NSRP1: variants seen among roughly 807,000 people sequenced by gnomAD.
NSRP1 encodes the protein coiled-coil domain containing 55.
In NSRP1, 24 loss-of-function variants were observed where a neutral mutation model predicts 54.7. The observed-to-expected ratio is 0.44, with a 90% CI of 0.32 to 0.62. The LOEUF (loss-of-function observed/expected upper bound fraction) is 0.62. Among genes scored for constraint, NSRP1 ranks in the 20% least tolerant of loss-of-function variants. NSRP1 has a pLI of 0.06. For synonymous variants in NSRP1, 210 were observed against 213.8 expected, an observed-to-expected ratio of 0.98 and a Z score of 0.15; for missense variants, 596 against 651.2, an observed-to-expected ratio of 0.92 and a Z score of 0.92.
intron 2 of NSRP1, among the ~76,000 whole-genome samples, chr17:30,119,880 A>G (rs2071581657): frequency 6.6e-6 from 1 of 152,190 alleles, no homozygotes; most frequent in African/African-American, 2.4e-5. Context: ...TTTTGAAGAC[A>G]TTGGCTCTTT....
At chr17:30,133,090 C>T (rs948716032) in intron 2 of NSRP1, among the ~76,000 whole-genome samples, 15 of 150,906 alleles carry the variant, frequency 9.9e-5, no homozygotes, top group Admixed American at 6.6e-4. Context: ...GCCACAGGCA[C>T]TCACCACCAC....
chr17:30,117,017 C>T, intron 1 of NSRP1, 154 bp downstream of exon 1: 1 of 968,104 alleles, frequency 1.0e-6, no homozygotes, highest in South Asian at 1.4e-5. Flanking sequence ...AACATAGATT[C>T]CCCTCCCCCG....
chr17:30,117,466 A>G, intron 1 of NSRP1: 1 of 422,328 alleles, frequency 2.4e-6, no homozygotes, highest in Non-Finnish European at 4.2e-6. Context: ...TTAAAGGCCA[A>G]AACGTGAGAA....
chr17:30,165,454 G>C (rs1054657001), intron 2 of NSRP1, among the ~76,000 whole-genome samples: 3 of 152,192 alleles, frequency 2.0e-5, no homozygotes, highest in African/African-American at 7.2e-5. Flanking sequence ...GTACTTAACT[G>C]TACATTTCTT....
chr17:30,175,907 G>A (rs188058522), intron 3 of NSRP1, among the ~76,000 whole-genome samples: 1 of 152,020 alleles, frequency 6.6e-6, no homozygotes. Flanking sequence ...GGAGGCTGAG[G>A]CAGGAGAGTC....
intron 2 of NSRP1, among the ~76,000 whole-genome samples, chr17:30,158,201 G>C (rs150630067): frequency 2.6e-5 from 4 of 151,982 alleles, no homozygotes; most frequent in African/African-American, 9.6e-5. Context: ...GTTTGGATTT[G>C]CATTTCACTG....
At chr17:30,178,045 T>G (rs760321223) in intron 3 of NSRP1, 26 bp from the exon 4 acceptor site, 4 of 1,610,374 alleles carry the variant, frequency 2.5e-6, no homozygotes, top group Non-Finnish European at 3.4e-6. Context: ...CTCATATTTT[T>G]GAAACATGTT....
chr17:30,132,587 TAGA>T (rs1404737004), intron 2 of NSRP1, among the ~76,000 whole-genome samples: 2 of 152,202 alleles, frequency 1.3e-5, no homozygotes. Context: ...GCTCATCCAG[TAGA>T]AGAAATTTGT....
At chr17:30,166,126 G>A (rs976067014) in intron 2 of NSRP1, among the ~76,000 whole-genome samples, 3 of 152,080 alleles carry the variant, frequency 2.0e-5, no homozygotes, top group Non-Finnish European at 4.4e-5. Context: ...TTGTGAGGTA[G>A]GTACTAATAT....
chr17:30,180,735 T>C (rs570486372), intron 5 of NSRP1, among the ~76,000 whole-genome samples, 173 bp from the exon 6 acceptor site: 1 of 152,364 alleles, frequency 6.6e-6, no homozygotes, highest in East Asian at 1.9e-4. Context: ...GGGCTTTGTT[T>C]CAATAAAAAT....
At chr17:30,158,146 T>C (rs1353467236) in intron 2 of NSRP1, among the ~76,000 whole-genome samples, 2 of 152,196 alleles carry the variant, frequency 1.3e-5, no homozygotes, top group African/African-American at 4.8e-5. Context: ...ATTTCCTGTC[T>C]TTTTAATAAT....
At chr17:30,155,432 A>G (rs1348309128) in intron 2 of NSRP1, among the ~76,000 whole-genome samples, 3 of 152,124 alleles carry the variant, frequency 2.0e-5, no homozygotes, top group African/African-American at 7.2e-5. Flanking sequence ...ATTTTTCTCC[A>G]ATTCTAGAAA....
intron 2 of NSRP1, among the ~76,000 whole-genome samples, chr17:30,127,135 A>C (rs1197175201): frequency 6.6e-6 from 1 of 152,216 alleles, no homozygotes; most frequent in African/African-American, 2.4e-5. Context: ...CTTGCTGACC[A>C]CTGGTCTGTA....
chr17:30,173,109 G>A (rs1028600488), intron 3 of NSRP1, among the ~76,000 whole-genome samples: 7 of 151,906 alleles, frequency 4.6e-5, no homozygotes, highest in South Asian at 2.1e-4. Flanking sequence ...GACTAAAGGC[G>A]CATGCCACCA....
chr17:30,171,934 TCA>T (rs746244255), intron 2 of NSRP1, among the ~76,000 whole-genome samples: 44,233 of 113,146 alleles, frequency 0.39, 8,558 homozygotes, highest in East Asian at 0.61. Flanking sequence ...TCCCCATTTC[TCA>T]CACACACACA....
At chr17:30,131,157 CTT>C (rs887690488) in intron 2 of NSRP1, among the ~76,000 whole-genome samples, 6 of 152,138 alleles carry the variant, frequency 3.9e-5, no homozygotes, top group Non-Finnish European at 8.8e-5. Flanking sequence ...TAAGATTAAA[CTT>C]TTGTCAGTGT....
At chr17:30,154,563 A>G (rs1042147194) in intron 2 of NSRP1, 37 of 151,726 alleles carry the variant, frequency 2.4e-4, no homozygotes, top group African/African-American at 9.0e-4. Flanking sequence ...ACACTAAAAA[A>G]TTACCTGTGT....
Position 30,116,854 on chromosome 17 carries a change from C to A in NSRP1, c.11C>A (p.Pro4Gln). 1 of 1,575,978 alleles carries A rather than the reference C, an allele frequency of 6.3e-7. No individual in the cohort carries two copies. The highest frequency in any genetic ancestry group is 1.3e-5 in the African/African-American group (1 of 74,284). Residue 4 changes from proline to glutamine, a missense_variant, in exon 1 of 7, where the codon CCG (proline) becomes CAG (glutamine). Transcript: ENST00000247026. Reference protein sequence around the residue: MAIPGRQYGLILPK... With the variant: MAIQGRQYGLILPK... Reference sequence around the variant, plus strand: ...GGACACGGGAGCAAGATGGCGATTCCGGGCAGGCAGTGAGTGATCCGGGAG... The same window carrying A: ...GGACACGGGAGCAAGATGGCGATTCAGGGCAGGCAGTGAGTGATCCGGGAG...
intron 2 of NSRP1, chr17:30,163,234 TGTG>T (rs1904597275): frequency 7.0e-6 from 1 of 143,586 alleles, no homozygotes; most frequent in African/African-American, 2.6e-5. Context: ...TGTGTGTGTG[TGTG>T]TGTGTGTGTG....
Sources: allele counts gnomAD v4.1 joint callset (sites outside exome capture counted in the v4.1 genomes callset), GRCh38; gene constraint gnomAD v4.1.1; transcripts MANE v1.5; gene names NCBI Gene and HGNC (gene_info 2026-07-23, HGNC 2026-07-21).